The following FMN2 variants were observed in gnomAD, a reference collection of about 807,000 sequenced individuals.
FMN2 encodes the protein formin-2.
Under a neutral mutation model 142.3 loss-of-function variants are expected in FMN2, and 51 were observed. That is an observed-to-expected ratio of 0.36 (90% CI 0.29 to 0.45). The LOEUF is 0.45. FMN2 is among the 20% of genes least tolerant of loss of function. FMN2 has a pLI of 1.00. For missense variants in FMN2, 1,936 were observed against 2,122.8 expected (o/e 0.91, Z 1.73); for synonymous variants, 882 against 869.8 (o/e 1.01, Z -0.25).
At chr1:240,266,969 T>C (rs1030126776) in intron 7 of FMN2, among the ~76,000 whole-genome samples, 5 of 152,106 alleles carry the variant, frequency 3.3e-5, no homozygotes, top group African/African-American at 1.2e-4. Flanking sequence ...AAGAGTTAAA[T>C]GTAAGACCTC....
intron 10 of FMN2, among the ~76,000 whole-genome samples, chr1:240,330,059 C>T (rs1671327186): frequency 6.6e-6 from 1 of 152,164 alleles, no homozygotes; most frequent in Non-Finnish European, 1.5e-5. Context: ...CTCACATTTT[C>T]AGAAGAAGTG....
At chr1:240,110,011 T>C (rs979130906) in intron 1 of FMN2, among the ~76,000 whole-genome samples, 4 of 152,166 alleles carry the variant, frequency 2.6e-5, no homozygotes, top group Admixed American at 2.0e-4. Context: ...CCAGTTCCAC[T>C]AAGGATGTTT....
chr1:240,268,461 T>C (rs886495506), intron 7 of FMN2, among the ~76,000 whole-genome samples: 4 of 152,036 alleles, frequency 2.6e-5, no homozygotes, highest in African/African-American at 9.7e-5. Context: ...CTCCCCTAAC[T>C]GTGTGGCTTC....
intron 7 of FMN2, among the ~76,000 whole-genome samples, chr1:240,284,150 T>A (rs7516607): frequency 0.23 from 35,295 of 152,040 alleles, 4,144 homozygotes; most frequent in Middle Eastern, 0.28. Context: ...TGTTCAAGTC[T>A]CTATCTACTC....
rs761094036 is a variant in FMN2, at chr1:240,093,186, G to A, written c.1077G>A (p.Arg359=). ...GEEDAFEDAP[R]GSPGEEWAPE... is the part of the protein sequence containing the mutation. ...AGGATGCTTTTGAGGATGCGCCCCG[G>A]GGCTCTCCGGGGGAGGAGTGGGCCC... is the stretch of plus-strand genomic sequence containing the variant. The change falls in exon 1 of 18, where the codon CGG becomes CGA. Residue 359 remains arginine (R), a synonymous_variant. Transcript: ENST00000319653. 4.2e-5 allele frequency: 61 copies of A among 1,469,690 alleles called. No individual in the cohort carries two copies. In the South Asian group the frequency reaches 8.1e-4, roughly 20 times the overall value. 91.0% of individuals were successfully genotyped at this position (1,469,690 alleles called of 1,614,324 possible). A position where few individuals can be genotyped will look rare whatever the true frequency, so the allele number is the denominator to read the frequency against.
chr1:240,456,595 T>A (rs1676253616), intron 16 of FMN2, among the ~76,000 whole-genome samples: 1 of 152,238 alleles, frequency 6.6e-6, no homozygotes, highest in South Asian at 2.1e-4. Context: ...TAGCTGGGAT[T>A]ACAGGCATGC....
At chr1:240,147,964 G>A (rs960640219) in intron 2 of FMN2, among the ~76,000 whole-genome samples, 2 of 152,202 alleles carry the variant, frequency 1.3e-5, no homozygotes, top group African/African-American at 4.8e-5. Flanking sequence ...GTGAATATTA[G>A]TTGCTACTTC....
chr1:240,470,930 T>C (rs1676786953), intron 16 of FMN2, among the ~76,000 whole-genome samples: 1 of 152,190 alleles, frequency 6.6e-6, no homozygotes. Context: ...ATAAAGAACT[T>C]TTTAAATAAA....
Position 240,229,328 on chromosome 1 carries a change from ATTCT to A in FMN2, c.4065+18095_4065+18098del, listed in dbSNP as rs566595290. ...AATTAAAATTAGCCCATACCCCACC[ATTCT>A]TCCCCCTCTTCCTCACCTTATCCAT... On this transcript the variant is annotated intron_variant, in intron 6 of 17. Transcript: ENST00000319653. Among the ~76,000 whole-genome samples, 25 of 151,948 alleles carry A rather than the reference ATTCT, an allele frequency of 1.6e-4. 1 individual carries two copies. The South Asian group carries it at 4.2e-3, about 25-fold the overall frequency.
At chr1:240,210,997 G>T (rs1299384246) in intron 5 of FMN2, 94 bp from the exon 6 acceptor site, 9 of 1,147,244 alleles carry the variant, frequency 7.8e-6, no homozygotes, top group Non-Finnish European at 1.1e-5. Context: ...CCTCCTGCTG[G>T]CCTTCCTCCC....
chr1:240,111,149 C>A (rs150563093), intron 1 of FMN2, among the ~76,000 whole-genome samples: 2 of 152,078 alleles, frequency 1.3e-5, no homozygotes, highest in African/African-American at 4.8e-5. Flanking sequence ...CAGTAATCCT[C>A]GGAGGTAATG....
chr1:240,359,796 G>C (rs1374093505), intron 14 of FMN2, among the ~76,000 whole-genome samples: 2 of 152,068 alleles, frequency 1.3e-5, no homozygotes, highest in African/African-American at 4.8e-5. Flanking sequence ...TTGTTCTGAC[G>C]GCCACCTGGC....
intron 1 of FMN2, among the ~76,000 whole-genome samples, chr1:240,103,737 C>G (rs1248021563): frequency 6.6e-6 from 1 of 152,170 alleles, no homozygotes; most frequent in East Asian, 1.9e-4. Context: ...CTCCATTCTG[C>G]ATGAAGCAAG....
At chr1:240,098,058 G>C (rs1661275964) in intron 1 of FMN2, among the ~76,000 whole-genome samples, 1 of 146,164 alleles carries the variant, frequency 6.8e-6, no homozygotes, top group East Asian at 2.0e-4. Context: ...AACTTGGATT[G>C]TGCAACTCTG....
intron 15 of FMN2, among the ~76,000 whole-genome samples, chr1:240,396,411 C>G (rs892526313): frequency 2.0e-5 from 3 of 150,522 alleles, no homozygotes; most frequent in African/African-American, 7.3e-5. Flanking sequence ...GCAGGGCAAG[C>G]TGACAATTCT....
intron 7 of FMN2, among the ~76,000 whole-genome samples, chr1:240,273,320 T>C (rs548243014): frequency 6.6e-6 from 1 of 152,296 alleles, no homozygotes; most frequent in East Asian, 1.9e-4. Context: ...GCAGGTGTTT[T>C]TATCTCCATC....
At position 240,211,250 on chromosome 1, in the gene FMN2, G is replaced by A. The variant is rs373992934; in HGVS notation, c.4065+15G>A. The A allele has an allele frequency of 5.0e-6, 8 of 1,606,992 alleles. No individual in the cohort carries two copies. Among genetic ancestry groups the A allele is most frequent in the Non-Finnish European group, 5.9e-6 (7 of 1,178,138 alleles). On this transcript the variant is annotated intron_variant, in intron 6 of 17. Coordinates refer to ENST00000319653, the MANE Select transcript of FMN2 (RefSeq NM_020066.5). ...AGGCTAAACAAGTGAGTATTTTTGT[G>A]CTTTATGAAATTGGACAGTGTTTCT...
In FMN2 at chr1:240,136,172, G is replaced by A. The variant is rs182214925; in HGVS notation, c.1782+12827G>A. ...TGAGATTATTTTATTTTTCTGATCCGGTACGTGATTTAATAAATTTCTAAT... is the reference window on the plus strand; with the variant it reads ...TGAGATTATTTTATTTTTCTGATCCAGTACGTGATTTAATAAATTTCTAAT... On this transcript the variant is annotated intron_variant, in intron 2 of 17. Transcript: ENST00000319653. 2.2e-3 allele frequency among the ~76,000 whole-genome samples: 327 copies of A among 151,904 alleles called. 1 individual carries two copies. Among genetic ancestry groups the A allele is most frequent in the African/African-American group, 7.6e-3 (315 of 41,418 alleles).
chr1:240,295,275 A>T (rs1669935535), intron 8 of FMN2, among the ~76,000 whole-genome samples: 1 of 152,138 alleles, frequency 6.6e-6, no homozygotes, highest in South Asian at 2.1e-4. Flanking sequence ...GATTGAATAC[A>T]TTCATTCCAG....
Sources: gnomAD v4.1 joint callset for allele counts (sites outside exome capture counted in the v4.1 genomes callset) on GRCh38, gnomAD v4.1.1 for gene constraint, MANE v1.5 for transcripts, NCBI Gene and HGNC (gene_info 2026-07-23, HGNC 2026-07-21) for gene names.